Variants in CPAMD8 observed in about 807,000 individuals in gnomAD.
CPAMD8 encodes C3 and PZP-like alpha-2-macroglobulin domain-containing protein 8.
A neutral mutation model predicts 224.7 loss-of-function variants in CPAMD8; 146 were observed. The ratio of observed to expected loss-of-function variants is 0.65; its 90% CI spans 0.57 to 0.75. The LOEUF (loss-of-function observed/expected upper bound fraction) is 0.75. Among genes scored for constraint, CPAMD8 ranks in the 30% least tolerant of loss-of-function variants. The pLI is 0.00. For missense variants in CPAMD8, 2,301 were observed against 2,537.5 expected (o/e 0.91, Z 2.00); for synonymous variants, 966 against 1,044.6 (o/e 0.92, Z 1.45).
At chr19:16,991,320 G>A (rs1444851183) in intron 12 of CPAMD8, among the ~76,000 whole-genome samples, 1 of 152,142 alleles carries the variant, frequency 6.6e-6, no homozygotes, top group East Asian at 1.9e-4. Flanking sequence ...TAGGGTAGTG[G>A]AATTTGCAGC....
At chr19:16,922,891 T>A (rs1259289408) in intron 26 of CPAMD8, among the ~76,000 whole-genome samples, 1 of 152,250 alleles carries the variant, frequency 6.6e-6, no homozygotes, top group East Asian at 1.9e-4. Flanking sequence ...CTAGGGTGGC[T>A]GTAACCTCCA....
chr19:16,923,875 G>A (rs1010844346), intron 26 of CPAMD8, among the ~76,000 whole-genome samples: 4 of 152,046 alleles, frequency 2.6e-5, no homozygotes, highest in Non-Finnish European at 5.9e-5. Flanking sequence ...AGGCTCACTT[G>A]AGCCCAGGAG....
chr19:16,945,759 A>G (rs1202402529), intron 21 of CPAMD8, 80 bp from the exon 22 acceptor site: 1 of 1,270,604 alleles, frequency 7.9e-7, no homozygotes, highest in African/African-American at 1.5e-5. Context: ...CTTATCCCAG[A>G]TGTGTGTGCA....
chr19:17,015,449 G>A (rs907172792), intron 3 of CPAMD8, among the ~76,000 whole-genome samples: 1 of 151,810 alleles, frequency 6.6e-6, no homozygotes, highest in Non-Finnish European at 1.5e-5. Context: ...GTGAGGTCGG[G>A]GTGCACTAGG....
intron 18 of CPAMD8, among the ~76,000 whole-genome samples, chr19:16,968,793 C>T (rs1295961683): frequency 2.6e-5 from 4 of 152,116 alleles, no homozygotes; most frequent in Admixed American, 6.6e-5. Context: ...GCATGAGCCA[C>T]CACACATGGT....
intron 13 of CPAMD8, among the ~76,000 whole-genome samples, chr19:16,988,619 AC>A (rs2055828543): frequency 6.6e-6 from 1 of 151,800 alleles, no homozygotes; most frequent in East Asian, 1.9e-4. Flanking sequence ...CAAAAACAAA[AC>A]AAAAAAAAAA....
chr19:16,907,919 C>T (rs1448964895), intron 29 of CPAMD8, among the ~76,000 whole-genome samples: 4 of 152,160 alleles, frequency 2.6e-5, no homozygotes, highest in African/African-American at 7.2e-5. Flanking sequence ...CATTACCATT[C>T]TTGTAAGTTG....
chr19:16,960,752 G>C (rs1357372293), intron 18 of CPAMD8, among the ~76,000 whole-genome samples: 2 of 151,638 alleles, frequency 1.3e-5, no homozygotes, highest in Admixed American at 1.3e-4. Flanking sequence ...AAATACAAAA[G>C]TTAGCCGGGT....
chr19:16,928,275 C>G (rs1236417342), intron 24 of CPAMD8, 41 bp from the exon 25 acceptor site: 1 of 1,554,754 alleles, frequency 6.4e-7, no homozygotes, highest in African/African-American at 1.4e-5. Flanking sequence ...TGGCAGGAAG[C>G]AGGCAGTAGG....
chr19:17,021,924 G>A, intron 2 of CPAMD8, 106 bp downstream of exon 2: 1 of 811,884 alleles, frequency 1.2e-6, no homozygotes, highest in Non-Finnish European at 1.8e-6. Context: ...ATTTAGGGCA[G>A]AAGGGAAGCA....
intron 2 of CPAMD8, among the ~76,000 whole-genome samples, chr19:17,020,923 C>G (rs1008689562): frequency 1.3e-5 from 2 of 152,004 alleles, no homozygotes; most frequent in Admixed American, 6.5e-5. Flanking sequence ...CAGCACACAA[C>G]GCACGTGGCT....
chr19:16,908,673 G>A (rs1179833223), intron 29 of CPAMD8, among the ~76,000 whole-genome samples: 1 of 152,196 alleles, frequency 6.6e-6, no homozygotes, highest in Non-Finnish European at 1.5e-5. Context: ...TCTGCTTTCG[G>A]AACTGTCCTG....
At chr19:16,913,352 G>A (rs1300397450) in intron 29 of CPAMD8, among the ~76,000 whole-genome samples, 1 of 152,066 alleles carries the variant, frequency 6.6e-6, no homozygotes, top group Non-Finnish European at 1.5e-5. Context: ...TTTAGACTGA[G>A]GTCACGAGGA....
rs1568599681 is a variant in CPAMD8, at chr19:17,011,505, T to C, written c.445A>G (p.Ile149Val). 1.2e-6 allele frequency: 2 copies of C among 1,614,208 alleles called. No homozygotes were observed. Among genetic ancestry groups the C allele is most frequent in the South Asian group, 1.1e-5 (1 of 91,086 alleles). ...YRPQHRVLIS[I>V]FTVSPNLRPV... ...CTCAGATTTGGAGAGACGGTGAAGA[T>C]GCTTATGAGCACTAGAAGAAAGAAG... is the stretch of plus-strand genomic sequence containing the variant. The change falls in exon 5 of 42, where the codon ATC becomes GTC. Residue 149 changes from isoleucine (I) to valine (V), a missense_variant. Around this residue, in one of 4 missense-constraint regions of CPAMD8, gnomAD observed 283 missense variants for 340.6 expected, o/e 0.83. Coordinates refer to ENST00000443236, the MANE Select transcript of CPAMD8 (RefSeq NM_015692.5).
intron 30 of CPAMD8, among the ~76,000 whole-genome samples, chr19:16,905,094 A>AGCCAG (rs1462181966): frequency 1.3e-5 from 2 of 151,492 alleles, no homozygotes; most frequent in Non-Finnish European, 2.9e-5. Flanking sequence ...TACAAAAATT[A>AGCCAG]GCTGTGTGTG....
At position 16,970,876 on chromosome 19, in the gene CPAMD8, T is replaced by G. The variant is rs373536723; in HGVS notation, c.2213+15A>C. The stretch of plus-strand genomic sequence containing the variant: ...ACCAGGGTTAGAAAACCTTGCTCAA[T>G]GTATAAGCCGTTACCTGGGGGGGTG... On this transcript the variant is annotated intron_variant, in intron 18 of 41. Coordinates refer to ENST00000443236, the MANE Select transcript of CPAMD8 (RefSeq NM_015692.5). 1 of 1,612,252 alleles carries G rather than the reference T, an allele frequency of 6.2e-7. No individual in the cohort carries two copies.
Position 16,893,359 on chromosome 19 carries a change from T to C in CPAMD8, c.5427-20A>G. The C allele has an allele frequency of 6.8e-7, 1 of 1,474,210 alleles. No homozygotes were observed. Among genetic ancestry groups the C allele is most frequent in the Admixed American group, 2.1e-5 (1 of 48,300 alleles). The allele number at this position is 1,474,210 out of a possible 1,614,324, so 91.3% of individuals were successfully genotyped here. On this transcript the variant is annotated intron_variant, in intron 41 of 41. Transcript: ENST00000443236. ...GTGACCCTGGAGATGAGGTTTTATC[T>C]TACAACATCCTCTACAGCAAGTGGG...
At chr19:16,974,349 T>A (rs1027552819) in intron 17 of CPAMD8, among the ~76,000 whole-genome samples, 1 of 151,840 alleles carries the variant, frequency 6.6e-6, no homozygotes, top group African/African-American at 2.4e-5. Flanking sequence ...TCCCAGCGAC[T>A]AGGGAGGCTG....
At chr19:16,991,357 G>A (rs186950718) in intron 12 of CPAMD8, among the ~76,000 whole-genome samples, 20 of 152,208 alleles carry the variant, frequency 1.3e-4, no homozygotes, top group Non-Finnish European at 2.5e-4. Context: ...CAGGTGGCCC[G>A]GGGACCCCTG....
Sources: gnomAD v4.1 joint callset for allele counts (sites outside exome capture counted in the v4.1 genomes callset) on GRCh38, gnomAD v4.1.1 for gene constraint, gnomAD v4.1.1 regional missense constraint, MANE v1.5 for transcripts, NCBI Gene and HGNC (gene_info 2026-07-23, HGNC 2026-07-21) for gene names.